Variants in SETBP1 observed in about 807,000 individuals in gnomAD.
The protein encoded by SETBP1 is SET-binding protein.
A neutral mutation model predicts 101.0 loss-of-function variants in SETBP1; 9 were observed. The observed-to-expected ratio is 0.09, with a 90% confidence interval of 0.05 to 0.16. The LOEUF (loss-of-function observed/expected upper bound fraction) is 0.16. Ranked by LOEUF, SETBP1 falls within the 10% of genes least tolerant of loss-of-function variation. The pLI, the probability that SETBP1 is intolerant of heterozygous loss-of-function variation, is 1.00. For synonymous variants in SETBP1, 818 were observed against 788.5 expected, an observed-to-expected ratio of 1.04 and a Z score of -0.63; for missense variants, 1,858 against 2,033.8, an observed-to-expected ratio of 0.91 and a Z score of 1.66.
intron 4 of SETBP1, among the ~76,000 whole-genome samples, chr18:44,992,304 T>G (rs2072395498): frequency 6.6e-6 from 1 of 152,054 alleles, no homozygotes. Flanking sequence ...AGAGGATCAA[T>G]AAAGCCGACA....
chr18:44,938,037 A>G (rs954154276), intron 3 of SETBP1, among the ~76,000 whole-genome samples: 1 of 152,184 alleles, frequency 6.6e-6, no homozygotes, highest in African/African-American at 2.4e-5. Context: ...CTGTGCTGAC[A>G]GGGAAAGGGA....
intron 2 of SETBP1, among the ~76,000 whole-genome samples, chr18:44,830,797 A>G (rs970033351): frequency 6.6e-6 from 1 of 152,148 alleles, no homozygotes; most frequent in African/African-American, 2.4e-5. Flanking sequence ...ACTGTATACT[A>G]TTTGGGGGAG....
At chr18:44,968,475 G>A (rs932218008) in intron 4 of SETBP1, among the ~76,000 whole-genome samples, 2 of 152,152 alleles carry the variant, frequency 1.3e-5, no homozygotes, top group Admixed American at 1.3e-4. Flanking sequence ...TGGACGACCT[G>A]GGGGGAAGCC....
chr18:44,915,148 T>C (rs1219701843), intron 3 of SETBP1, among the ~76,000 whole-genome samples: 1 of 152,168 alleles, frequency 6.6e-6, no homozygotes, highest in Admixed American at 6.5e-5. Context: ...CCTAATATAA[T>C]AGGGCATCCT....
At chr18:45,025,481 A>G (rs1339001492) in intron 4 of SETBP1, among the ~76,000 whole-genome samples, 1 of 152,192 alleles carries the variant, frequency 6.6e-6, no homozygotes, top group East Asian at 1.9e-4. Flanking sequence ...AGATCTATCT[A>G]ATGATGGGTC....
chr18:44,869,855 T>A (rs142727696), intron 3 of SETBP1: 45 of 176,276 alleles, frequency 2.6e-4, no homozygotes, highest in Non-Finnish European at 5.3e-4. Context: ...TCTGGAGACT[T>A]TTTTGCAGGG....
rs1215978121 is a variant in SETBP1, at chr18:44,773,377, A to G, written c.486+71545A>G. ...GCCTTAGTTACAGACATGGCCCCAA[A>G]GGAATCATAGCAAGCTTGGCTCACA... is the stretch of plus-strand genomic sequence containing the variant. On this transcript the variant is annotated intron_variant, in intron 2 of 5. Transcript: ENST00000649279. Among the ~76,000 whole-genome samples, 10 of 152,182 alleles carry G rather than the reference A, an allele frequency of 6.6e-5. No individual in the cohort carries two copies. The East Asian group carries it at 1.9e-3, about 29-fold the overall frequency.
At chr18:45,016,498 T>C (rs1393047035) in intron 4 of SETBP1, among the ~76,000 whole-genome samples, 1 of 152,186 alleles carries the variant, frequency 6.6e-6, no homozygotes, top group African/African-American at 2.4e-5. Context: ...TTGTTCTCTC[T>C]CCGCCACGGC....
chr18:44,732,426 C>T (rs1435108740), intron 2 of SETBP1: 1 of 152,188 alleles, frequency 6.6e-6, no homozygotes, highest in African/African-American at 2.4e-5. Context: ...AAGGAGGAAA[C>T]CCAAAGCCTG....
rs1390832965 is a variant in SETBP1, at chr18:44,975,965, C to CTA, written c.4000+22626_4000+22627dup. Among the ~76,000 whole-genome samples, 13 of 152,130 alleles carry CTA rather than the reference C, an allele frequency of 8.5e-5. 1 individual carries two copies. On this transcript the variant is annotated intron_variant, in intron 4 of 5. Coordinates refer to ENST00000649279, the MANE Select transcript of SETBP1 (RefSeq NM_015559.3). ...CAGGTCTGCAAGCCTGGGGCTCTTT[C>CTA]TACTTTCTGTCTACCTTAAGGAATT...
intron 3 of SETBP1, among the ~76,000 whole-genome samples, chr18:44,881,760 T>C (rs1208147463): frequency 6.6e-6 from 1 of 152,180 alleles, no homozygotes; most frequent in Admixed American, 6.5e-5. Context: ...AGGGGCAGGC[T>C]GGACCCAGTG....
chr18:44,803,726 C>G (rs189498631), intron 2 of SETBP1, among the ~76,000 whole-genome samples: 4 of 152,220 alleles, frequency 2.6e-5, no homozygotes, highest in Admixed American at 2.6e-4. Context: ...CTCTTTTTCA[C>G]TATTTTTCTC....
chr18:44,721,722 C>T (rs567019513), intron 2 of SETBP1, among the ~76,000 whole-genome samples: 6 of 152,084 alleles, frequency 3.9e-5, no homozygotes, highest in South Asian at 2.1e-4. Context: ...TGTGGATGAA[C>T]GAGTTGCACT....
intron 4 of SETBP1, among the ~76,000 whole-genome samples, chr18:44,985,264 T>G (rs1002251551): frequency 6.6e-6 from 1 of 152,212 alleles, no homozygotes; most frequent in Non-Finnish European, 1.5e-5. Flanking sequence ...AAAAAAAAGT[T>G]TACTTGCTTA....
At chr18:44,751,383 G>A (rs1263221044) in intron 2 of SETBP1, among the ~76,000 whole-genome samples, 3 of 152,208 alleles carry the variant, frequency 2.0e-5, no homozygotes, top group Non-Finnish European at 4.4e-5. Context: ...AGGTAAGAAA[G>A]TAGATGAGAG....
intron 3 of SETBP1, among the ~76,000 whole-genome samples, chr18:44,937,117 T>G (rs2070975011): frequency 6.6e-6 from 1 of 152,194 alleles, no homozygotes; most frequent in Non-Finnish European, 1.5e-5. Context: ...GTTAAATACT[T>G]GACAGTCTTC....
chr18:45,010,884 T>C (rs1346708574), intron 4 of SETBP1, among the ~76,000 whole-genome samples: 1 of 152,218 alleles, frequency 6.6e-6, no homozygotes, highest in Non-Finnish European at 1.5e-5. Flanking sequence ...TCATAGCTGG[T>C]GCGGACTTAT....
At chr18:44,876,879 T>G (rs775616026) in intron 3 of SETBP1, 12 of 1,398,540 alleles carry the variant, frequency 8.6e-6, no homozygotes, top group Non-Finnish European at 1.0e-5. Flanking sequence ...CTTCTCTGCC[T>G]GCTAGCTAGA....
intron 1 of SETBP1, among the ~76,000 whole-genome samples, chr18:44,685,357 C>T (rs556460640): frequency 3.9e-5 from 6 of 152,290 alleles, no homozygotes; most frequent in South Asian, 2.1e-4. Context: ...ATATGGCTTC[C>T]GCCCCCTTGA....
Sources: allele counts gnomAD v4.1 joint callset (sites outside exome capture counted in the v4.1 genomes callset), GRCh38; gene constraint gnomAD v4.1.1; transcripts MANE v1.5; gene names NCBI Gene and HGNC (gene_info 2026-07-23, HGNC 2026-07-21).